The following PZP variants were observed in gnomAD, a reference collection of about 807,000 sequenced individuals.
PZP encodes pregnancy zone protein.
In PZP, 150 loss-of-function variants were observed where a neutral mutation model predicts 179.8. That is an observed-to-expected ratio of 0.83 (90% CI 0.73 to 0.96). PZP has a LOEUF of 0.96. Ranked by LOEUF, PZP falls within the 40% of genes least tolerant of loss-of-function variation. The pLI is 0.00. For missense variants in PZP, 1,689 were observed against 1,764.0 expected (o/e 0.96, Z 0.76); for synonymous variants, 624 against 652.3 (o/e 0.96, Z 0.66).
intron 25 of PZP, among the ~76,000 whole-genome samples, 171 bp from the exon 26 acceptor site, chr12:9,158,747 CTTTTCTTTTCTTT>C (rs1940946574): frequency 9.1e-6 from 1 of 110,356 alleles, no homozygotes; most frequent in Non-Finnish European, 1.8e-5. Context: ...TTTCTTTTTT[CTTTTCTTTTCTTT>C]TTTTTTTTTT....
intron 9 of PZP, 66 bp from the exon 10 acceptor site, chr12:9,196,505 T>C: frequency 6.4e-7 from 1 of 1,571,162 alleles, no homozygotes; most frequent in East Asian, 2.2e-5. Flanking sequence ...TTCTTACAAA[T>C]GACCTTTATT....
intron 14 of PZP, among the ~76,000 whole-genome samples, chr12:9,181,642 C>G (rs1388447250): frequency 6.6e-6 from 1 of 152,154 alleles, no homozygotes; most frequent in Admixed American, 6.5e-5. Flanking sequence ...CCATCTTTAT[C>G]TCTGACACAT....
intron 13 of PZP, among the ~76,000 whole-genome samples, chr12:9,187,853 G>A (rs912996194): frequency 2.6e-5 from 4 of 152,160 alleles, no homozygotes; most frequent in Non-Finnish European, 4.4e-5. Context: ...TTACAGCAAC[G>A]GAAGCTTCAA....
intron 2 of PZP, 33 bp from the exon 3 acceptor site, chr12:9,202,717 ACTG>A (rs1199084017): frequency 1.1e-5 from 17 of 1,597,856 alleles, no homozygotes; most frequent in Non-Finnish European, 1.5e-5. Context: ...CTACTGAGGA[ACTG>A]TGCAGTCTTC....
intron 17 of PZP, 150 bp downstream of exon 17, chr12:9,168,719 T>C (rs1941767388): frequency 1.6e-6 from 1 of 638,776 alleles, no homozygotes; most frequent in Non-Finnish European, 2.7e-6. Context: ...TATCACCAGC[T>C]AAGTCACCTC....
chr12:9,206,823 G>C (rs1372317569), intron 1 of PZP, among the ~76,000 whole-genome samples: 1 of 152,068 alleles, frequency 6.6e-6, no homozygotes, highest in Non-Finnish European at 1.5e-5. Context: ...ATGGCAGCAT[G>C]GTCCAATGTA....
Position 9,158,409 on chromosome 12 carries a change from G to C in PZP, c.3294+11C>G, listed in dbSNP as rs778053393. ...TGTGTGTCAGGCTCAGAAGTTTGTGGAACAGTTCACCTTTATGGCATTGTT... is the reference window on the plus strand; with the variant it reads ...TGTGTGTCAGGCTCAGAAGTTTGTGCAACAGTTCACCTTTATGGCATTGTT... On this transcript the variant is annotated intron_variant, in intron 26 of 35. Transcript: ENST00000261336. 40 of 1,613,866 alleles carry C rather than the reference G, an allele frequency of 2.5e-5. No homozygotes were observed. Among genetic ancestry groups the C allele is most frequent in the Non-Finnish European group, 3.3e-5 (39 of 1,179,842 alleles).
At chr12:9,191,218 T>C (rs1178870182) in intron 13 of PZP, among the ~76,000 whole-genome samples, 3 of 152,084 alleles carry the variant, frequency 2.0e-5, no homozygotes, top group Non-Finnish European at 4.4e-5. Context: ...ATCAAATAAA[T>C]GTTTTAAAAC....
At chr12:9,151,800 G>T in intron 32 of PZP, 128 bp from the exon 33 acceptor site, 1 of 675,624 alleles carries the variant, frequency 1.5e-6, no homozygotes, top group Non-Finnish European at 2.5e-6. Flanking sequence ...TTGTTTTCAG[G>T]TCAGGAGTTC....
chr12:9,201,248 A>G lies in PZP; in HGVS notation c.501+79T>C, dbSNP rs1202291489. 14 of 1,352,698 alleles carry G rather than the reference A, an allele frequency of 1.0e-5. No homozygotes were observed. The Admixed American group carries it at 2.5e-4, about 24-fold the overall frequency. The allele number at this position is 1,352,698 out of a possible 1,614,324, so 83.8% of individuals were successfully genotyped here. A position where few individuals can be genotyped will look rare whatever the true frequency, so the allele number is the denominator to read the frequency against. The stretch of plus-strand genomic sequence containing the variant: ...GATCTGAAAATTTTTAAAGTAGTTC[A>G]TCTGTCTAGAGTATTATCAGAACCT... On this transcript the variant is annotated intron_variant, in intron 5 of 35. Transcript: ENST00000261336.
chr12:9,192,110 G>A (rs1448408462), intron 13 of PZP, 83 bp downstream of exon 13: 17 of 1,196,316 alleles, frequency 1.4e-5, no homozygotes, highest in East Asian at 2.4e-5. Flanking sequence ...TGATGGAAAC[G>A]ATTTCCCATT....
At chr12:9,149,656 C>A (rs1236105695) in intron 34 of PZP, 54 bp from the exon 35 acceptor site, 5 of 1,562,318 alleles carry the variant, frequency 3.2e-6, no homozygotes, top group Non-Finnish European at 4.4e-6. Context: ...AACTAGGGAC[C>A]ATGCTAAATC....
intron 13 of PZP, among the ~76,000 whole-genome samples, chr12:9,190,536 C>T (rs1465331842): frequency 6.6e-6 from 1 of 151,560 alleles, no homozygotes; most frequent in East Asian, 1.9e-4. Context: ...GACATTGAGG[C>T]CTATTGGAGG....
chr12:9,187,913 G>A (rs1473958630), intron 13 of PZP, among the ~76,000 whole-genome samples: 3 of 152,216 alleles, frequency 2.0e-5, no homozygotes, highest in Non-Finnish European at 4.4e-5. Flanking sequence ...CCGTCCCAGG[G>A]AAATGTAAAG....
At chr12:9,204,647 A>G (rs1944358405) in intron 1 of PZP, among the ~76,000 whole-genome samples, 1 of 152,112 alleles carries the variant, frequency 6.6e-6, no homozygotes, top group African/African-American at 2.4e-5. Flanking sequence ...CACACACACT[A>G]CACAAACACA....
Position 9,200,551 on chromosome 12 carries a change from T to C in PZP, c.671-103A>G, listed in dbSNP as rs1160193614. 3 of 893,664 alleles carry C rather than the reference T, an allele frequency of 3.4e-6. No individual in the cohort carries two copies. The East Asian group carries it at 7.7e-5, about 23-fold the overall frequency. 55.4% of individuals were successfully genotyped at this position (893,664 alleles called of 1,614,324 possible). A position where few individuals can be genotyped will look rare whatever the true frequency, so the allele number is the denominator to read the frequency against. ...ATTTTTCCCAAAATAACACTCTGAA[T>C]GTTAGATTTACTTTCCAATGTATCA... On this transcript the variant is annotated intron_variant, in intron 6 of 35. Coordinates refer to ENST00000261336, the MANE Select transcript of PZP (RefSeq NM_002864.3).
chr12:9,203,898 C>G lies in PZP; in HGVS notation c.137G>C (p.Gly46Ala). ...ATTCAGGTGGCTCAGAAGGACACAG[C>G]CCTTCTTAGGGGCCTCAGTGTGGAG... is the stretch of plus-strand genomic sequence containing the variant. ...SLLHTEAPKK[G>A]CVLLSHLNET... is the part of the protein sequence containing the mutation. The change falls in exon 2 of 36, where the codon GGC (glycine) becomes GCC (alanine). Residue 46 changes from glycine to alanine, a missense_variant. By Grantham distance (60) the Gly-to-Ala change is moderately conservative. Around this residue, in one of 3 missense-constraint regions of PZP, gnomAD observed 742 missense variants for 730.5 expected, o/e 1.02. Coordinates refer to ENST00000261336, the MANE Select transcript of PZP (RefSeq NM_002864.3). The G allele has an allele frequency of 6.2e-7, 1 of 1,613,970 alleles. No homozygotes were observed. The highest frequency in any genetic ancestry group is 8.5e-7 in the Non-Finnish European group (1 of 1,179,874).
chr12:9,138,676 A>G, the PZP span, among the ~76,000 whole-genome samples: 1 of 152,006 alleles, frequency 6.6e-6, no homozygotes, highest in African/African-American at 2.4e-5. Context: ...AAATCTCCAT[A>G]CTAATGATAG....
chr12:9,163,579 G>A (rs1216561301), intron 21 of PZP, 89 bp downstream of exon 21: 1 of 1,417,946 alleles, frequency 7.1e-7, no homozygotes, highest in Non-Finnish European at 9.7e-7. Flanking sequence ...TATTGTGTGA[G>A]CATGATATTA....
Sources: gnomAD v4.1 joint callset for allele counts (sites outside exome capture counted in the v4.1 genomes callset) on GRCh38, gnomAD v4.1.1 for gene constraint, gnomAD v4.1.1 regional missense constraint, MANE v1.5 for transcripts, NCBI Gene and HGNC (gene_info 2026-07-23, HGNC 2026-07-21) for gene names.